The following MECR variants were observed in gnomAD, a reference collection of about 807,000 sequenced individuals.
The protein encoded by MECR is mitochondrial trans-2-enoyl-CoA reductase.
A neutral mutation model predicts 49.1 loss-of-function variants in MECR; 37 were observed. The ratio of observed to expected loss-of-function variants is 0.75; its 90% CI spans 0.58 to 0.99. The LOEUF (loss-of-function observed/expected upper bound fraction) is 0.99. Among genes scored for constraint, MECR ranks in the 50% least tolerant of loss-of-function variants. MECR has a pLI of 0.00. For missense variants in MECR, 470 were observed against 479.6 expected (o/e 0.98, Z 0.19); for synonymous variants, 198 against 191.1 (o/e 1.04, Z -0.30).
At chr1:29,200,723 T>C in intron 6 of MECR, 134 bp from the exon 7 acceptor site, 1 of 671,510 alleles carries the variant, frequency 1.5e-6, no homozygotes, top group Non-Finnish European at 2.7e-6. Flanking sequence ...CGTACTTATG[T>C]ATATGTGTGT....
intron 2 of MECR, 94 bp from the exon 3 acceptor site, chr1:29,216,230 C>A: frequency 6.7e-7 from 1 of 1,497,160 alleles, no homozygotes; most frequent in South Asian, 1.2e-5. Context: ...CTGATCTGGG[C>A]TCTGCTTTGG....
At chr1:29,182,460 TAGA>T in the MECR span, among the ~76,000 whole-genome samples, 1 of 152,136 alleles carries the variant, frequency 6.6e-6, no homozygotes, top group Non-Finnish European at 1.5e-5. Flanking sequence ...ACTGCTTAAA[TAGA>T]AGCAGTGTGA....
chr1:29,196,021 C>G lies in MECR; in HGVS notation c.892-8G>C. The G allele has an allele frequency of 6.2e-7, 1 of 1,614,164 alleles. No homozygotes were observed. The highest frequency in any genetic ancestry group is 8.5e-7 in the Non-Finnish European group (1 of 1,179,994). ...CTTAAAAATGAGCAGGCTCTGCAGACACAGGAAGGACATGCTGGGCTCTGA... is the reference window on the plus strand; with the variant it reads ...CTTAAAAATGAGCAGGCTCTGCAGAGACAGGAAGGACATGCTGGGCTCTGA... On this transcript the variant is annotated splice_polypyrimidine_tract_variant and splice_region_variant and intron_variant, in intron 8 of 9. Transcript: ENST00000263702.
the MECR span, among the ~76,000 whole-genome samples, chr1:29,180,217 G>C: frequency 6.6e-6 from 1 of 152,098 alleles, no homozygotes; most frequent in Admixed American, 6.6e-5. Flanking sequence ...GTCCACAAAA[G>C]TTAGTTATGC....
At chr1:29,230,481 A>C in intron 1 of MECR, 1 of 498,934 alleles carries the variant, frequency 2.0e-6, no homozygotes. Context: ...CCATTTAAAC[A>C]AGGGATTGCC....
chr1:29,186,161 G>C, the MECR span, among the ~76,000 whole-genome samples: 1 of 152,216 alleles, frequency 6.6e-6, no homozygotes, highest in Non-Finnish European at 1.5e-5. Flanking sequence ...CCATCAGCGA[G>C]GTGCCAAAGT....
the MECR span, chr1:29,181,564 C>A: frequency 4.1e-6 from 5 of 1,226,440 alleles, no homozygotes; most frequent in Non-Finnish European, 5.6e-6. Flanking sequence ...GCGGACCAGG[C>A]GTCCCTCTCC....
rs755789151 is a variant in MECR at position 29,230,793 on chromosome 1, G to C, written c.114C>G (p.Ala38=). 46 of 1,605,534 alleles carry C rather than the reference G, an allele frequency of 2.9e-5. No individual in the cohort carries two copies. The highest frequency in any genetic ancestry group is 3.2e-5 in the Non-Finnish European group (38 of 1,176,906). ...GPAASSYSAS[A]EPARVRALVY... ...CAAGCGCCCGGACCCGGGCAGGCTC[G>C]GCGGATGCGGAGTAGGAGGAGGCGG... The change falls in exon 1 of 10, where the codon GCC becomes GCG. Residue 38 remains alanine (A), a synonymous_variant. Coordinates refer to ENST00000263702, the MANE Select transcript of MECR (RefSeq NM_016011.5).
At position 29,193,934 on chromosome 1, in the gene MECR, G is replaced by A; in HGVS notation, c.*88C>T. Reference sequence around the variant, plus strand: ...AGGCAGTGAGGAGAACAGTAGTCTGGGGAAGGTGGGAGCCCCAACTGAGGG... The same window carrying A: ...AGGCAGTGAGGAGAACAGTAGTCTGAGGAAGGTGGGAGCCCCAACTGAGGG... On this transcript the variant is annotated 3_prime_UTR_variant, in exon 10 of 10. Coordinates refer to ENST00000263702, the MANE Select transcript of MECR (RefSeq NM_016011.5). 1 of 1,487,646 alleles carries A rather than the reference G, an allele frequency of 6.7e-7. No individual in the cohort carries two copies. Among genetic ancestry groups the A allele is most frequent in the Non-Finnish European group, 9.2e-7 (1 of 1,086,966 alleles). The allele number at this position is 1,487,646 out of a possible 1,614,324, so 92.2% of individuals were successfully genotyped here. A position where few individuals can be genotyped will look rare whatever the true frequency, so the allele number is the denominator to read the frequency against.
chr1:29,181,522 G>A, the MECR span: 1 of 814,600 alleles, frequency 1.2e-6, no homozygotes, highest in East Asian at 3.2e-5. Flanking sequence ...CGCCACTATG[G>A]CGGAGCCTGG....
chr1:29,195,606 T>C (rs867895391), intron 9 of MECR, among the ~76,000 whole-genome samples: 8 of 152,230 alleles, frequency 5.3e-5, no homozygotes, highest in African/African-American at 1.9e-4. Context: ...CACTGCTGGC[T>C]AGGCAGAACC....
At chr1:29,168,879 G>C in the MECR span, 1 of 152,172 alleles carries the variant, frequency 6.6e-6, no homozygotes. Flanking sequence ...ATATAAGCGT[G>C]AATGGTAGGA....
At chr1:29,194,653 C>G (rs146630496) in intron 9 of MECR, among the ~76,000 whole-genome samples, 3 of 152,188 alleles carry the variant, frequency 2.0e-5, no homozygotes, top group Non-Finnish European at 4.4e-5. Flanking sequence ...TAGAACCCCA[C>G]GACCGGACGC....
Position 29,206,769 on chromosome 1 carries a change from C to T in MECR, c.543G>A (p.Leu181=). ...CAACCTGTGGGTTCCTACCTGGCTG[C>T]AGTTGCTCGAAGTCCATCAACATCC... ...AYRMLMDFEQ[L]QPGDSVIQNA... is the part of the protein sequence containing the mutation. The change falls in exon 4 of 10, where the codon CTG becomes CTA. Residue 181 remains leucine (L), a synonymous_variant. Coordinates refer to ENST00000263702, the MANE Select transcript of MECR (RefSeq NM_016011.5). 6.2e-7 allele frequency: 1 copy of T among 1,614,090 alleles called. No homozygotes were observed. Among genetic ancestry groups the T allele is most frequent in the South Asian group, 1.1e-5 (1 of 91,074 alleles).
At chr1:29,210,597 G>T (rs1431537625) in intron 3 of MECR, among the ~76,000 whole-genome samples, 2 of 152,120 alleles carry the variant, frequency 1.3e-5, no homozygotes, top group Non-Finnish European at 2.9e-5. Context: ...CCCTTGATAT[G>T]GATTTCTGGG....
chr1:29,203,129 A>G lies in MECR; in HGVS notation c.653+2T>C. 6.4e-7 allele frequency: 1 copy of G among 1,568,904 alleles called. No individual in the cohort carries two copies. Among genetic ancestry groups the G allele is most frequent in the Non-Finnish European group, 8.7e-7 (1 of 1,153,700 alleles). On this transcript the variant is annotated splice_donor_variant, in intron 5 of 9. Transcript: ENST00000263702. LOFTEE classifies it high-confidence loss of function. ...TGGGATGAAGCCTCCTTCCCCACGCACCTGTCTCGGACCACATTGATGGTT... is the reference window on the plus strand; with the variant it reads ...TGGGATGAAGCCTCCTTCCCCACGCGCCTGTCTCGGACCACATTGATGGTT...
chr1:29,221,868 T>G (rs1172594808), intron 1 of MECR, among the ~76,000 whole-genome samples: 1 of 152,184 alleles, frequency 6.6e-6, no homozygotes, highest in Non-Finnish European at 1.5e-5. Context: ...GCTCCAAGTA[T>G]GCTTAACATT....
At chr1:29,223,353 G>A in intron 1 of MECR, 1 of 920,174 alleles carries the variant, frequency 1.1e-6, no homozygotes, top group Non-Finnish European at 1.3e-6. Flanking sequence ...CCTGGGGACT[G>A]GCACAGTTAT....
At chr1:29,195,875 C>T (rs924661030) in intron 9 of MECR, 66 bp downstream of exon 9, 2 of 1,535,022 alleles carry the variant, frequency 1.3e-6, no homozygotes, top group Non-Finnish European at 1.8e-6. Context: ...AATAGCTGGT[C>T]ATTTCTGCTG....
Sources: gnomAD v4.1 joint callset for allele counts (sites outside exome capture counted in the v4.1 genomes callset) on GRCh38, gnomAD v4.1.1 for gene constraint, MANE v1.5 for transcripts, NCBI Gene and HGNC (gene_info 2026-07-23, HGNC 2026-07-21) for gene names.